The following LRP8 variants were observed in gnomAD, a reference collection of about 807,000 sequenced individuals.
LRP8 encodes the protein LDL receptor related protein 8.
A neutral mutation model predicts 111.6 loss-of-function variants in LRP8; 46 were observed. The observed-to-expected ratio is 0.41, with a 90% confidence interval of 0.33 to 0.53. The LOEUF (loss-of-function observed/expected upper bound fraction) is 0.53, where lower values mean the gene tolerates loss of function less well. LRP8 is among the 20% of genes least tolerant of loss of function. The pLI is 0.20. For missense variants in LRP8, 959 were observed against 1,297.4 expected (o/e 0.74, Z 4.01); for synonymous variants, 464 against 511.2 (o/e 0.91, Z 1.24).
At chr1:53,324,532 A>G (rs1654899632) in intron 2 of LRP8, among the ~76,000 whole-genome samples, 2 of 152,196 alleles carry the variant, frequency 1.3e-5, no homozygotes, top group Admixed American at 1.3e-4. Flanking sequence ...CAGAAAAGCC[A>G]AGCCATGTGT....
intron 3 of LRP8, among the ~76,000 whole-genome samples, chr1:53,281,194 C>A (rs529491670): frequency 6.6e-6 from 1 of 152,196 alleles, no homozygotes; most frequent in Admixed American, 6.5e-5. Flanking sequence ...AAGGCCCCAA[C>A]GGCTCCAATC....
intron 18 of LRP8, among the ~76,000 whole-genome samples, 191 bp from the exon 19 acceptor site, chr1:53,247,247 T>C (rs1645754922): frequency 6.6e-6 from 1 of 152,248 alleles, no homozygotes; most frequent in Non-Finnish European, 1.5e-5. Context: ...TAAGTAGGGT[T>C]TGTTCTGGAT....
rs375601541 is a variant in LRP8, at chr1:53,271,048, G to C, written c.1232C>G (p.Thr411Ser). ...CATACCAGCAGCCTTGCAGTTCTTG[G>C]TCAGTAGGTCCATCTCGTAGCCAGG... ...CYPGYEMDLL[T>S]KNCKAAAGKS... Residue 411 changes from threonine (T) to serine (S), a missense_variant, in exon 8 of 19, where the codon ACC (threonine) becomes AGC (serine). Thr to Ser is a moderately conservative substitution (Grantham distance 58). Transcript: ENST00000306052. The C allele has an allele frequency of 1.2e-6, 2 of 1,613,990 alleles. No homozygotes were observed. The highest frequency in any genetic ancestry group is 4.5e-5 in the East Asian group (2 of 44,874).
intron 2 of LRP8, among the ~76,000 whole-genome samples, chr1:53,316,850 C>A (rs559184924): frequency 6.6e-6 from 1 of 152,298 alleles, no homozygotes; most frequent in African/African-American, 2.4e-5. Flanking sequence ...GGAGAGGCTG[C>A]TGTGGCAGGG....
rs541900764 is a variant in LRP8, at chr1:53,327,012, T to C, written c.125-20A>G. On this transcript the variant is annotated intron_variant, in intron 1 of 18. Transcript: ENST00000306052. Reference sequence around the variant, plus strand: ...CCGGCCCTGCGAGGGGGAGGGAGCGTGAGCTGGATCAGCGGACTCGGCCCC... The same window carrying C: ...CCGGCCCTGCGAGGGGGAGGGAGCGCGAGCTGGATCAGCGGACTCGGCCCC... The C allele has an allele frequency of 6.2e-7, 1 of 1,610,378 alleles. No individual in the cohort carries two copies. The highest frequency in any genetic ancestry group is 8.5e-7 in the Non-Finnish European group (1 of 1,179,610).
intron 4 of LRP8, among the ~76,000 whole-genome samples, chr1:53,277,573 C>G (rs189271218): frequency 6.6e-6 from 1 of 152,258 alleles, no homozygotes; most frequent in Admixed American, 6.5e-5. Flanking sequence ...CCTGAATGTT[C>G]GCAGCTCCCG....
chr1:53,259,404 G>A (rs1646240472), intron 13 of LRP8, among the ~76,000 whole-genome samples: 1 of 151,914 alleles, frequency 6.6e-6, no homozygotes. Context: ...AAGCCACCAT[G>A]CCTGGCCTCC....
At position 53,250,927 on chromosome 1, in the gene LRP8, C is replaced by G. The variant is rs1410347525; in HGVS notation, c.2504-65G>C. 3.9e-5 allele frequency: 54 copies of G among 1,395,732 alleles called. No individual in the cohort carries two copies. The highest frequency in any genetic ancestry group is 5.2e-5 in the Non-Finnish European group (51 of 989,324). The allele number at this position is 1,395,732 out of a possible 1,614,324, so 86.5% of individuals were successfully genotyped here. ...CCAACCCACTGCTCAGACATCTGTA[C>G]AAGGCTTGTCACCACTCCACTTTTA... is the stretch of plus-strand genomic sequence containing the variant. On this transcript the variant is annotated intron_variant, in intron 16 of 18. Transcript: ENST00000306052. The surrounding 1 kb of genome is among the most constrained non-coding windows in gnomAD (Gnocchi z 4.6).
At chr1:53,304,004 G>C (rs1352124885) in intron 2 of LRP8, among the ~76,000 whole-genome samples, 1 of 152,160 alleles carries the variant, frequency 6.6e-6, no homozygotes, top group African/African-American at 2.4e-5. Flanking sequence ...GGAGCCAAGA[G>C]CTGCCATGAA....
At chr1:53,258,149 G>A (rs1008505395) in intron 14 of LRP8, 170 bp downstream of exon 14, 1 of 539,924 alleles carries the variant, frequency 1.9e-6, no homozygotes, top group East Asian at 3.2e-5. Context: ...GGATCCTGGG[G>A]GCATGAGCAT....
chr1:53,268,709 A>G (rs755823846), intron 8 of LRP8: 1 of 152,164 alleles, frequency 6.6e-6, no homozygotes, highest in Non-Finnish European at 1.5e-5. Context: ...GATTCCTCCA[A>G]ACCTGCTTCC....
intron 3 of LRP8, among the ~76,000 whole-genome samples, chr1:53,285,155 T>A (rs1362594769): frequency 6.6e-6 from 1 of 151,810 alleles, no homozygotes; most frequent in African/African-American, 2.4e-5. Context: ...CCAGAAAGAG[T>A]AAGTTGTTTG....
chr1:53,255,201 A>G lies in LRP8; in HGVS notation c.2435-16T>C. ...TCATTTGCATCTGCAAAACACAAAC[A>G]TTTGCAGAATGATGCTCTATCACTG... On this transcript the variant is annotated splice_polypyrimidine_tract_variant and intron_variant, in intron 15 of 18. Transcript: ENST00000306052. The G allele has an allele frequency of 2.5e-6, 4 of 1,610,540 alleles. No homozygotes were observed. Among genetic ancestry groups the G allele is most frequent in the African/African-American group, 2.7e-5 (2 of 75,008 alleles).
chr1:53,301,784 C>T (rs1650943965), intron 2 of LRP8, among the ~76,000 whole-genome samples: 1 of 151,642 alleles, frequency 6.6e-6, no homozygotes, highest in Non-Finnish European at 1.5e-5. Context: ...GAGGCAGGAC[C>T]AGAACGCAGG....
intron 9 of LRP8, among the ~76,000 whole-genome samples, chr1:53,265,548 G>A (rs891535329): frequency 6.6e-6 from 1 of 152,142 alleles, no homozygotes; most frequent in African/African-American, 2.4e-5. Flanking sequence ...TCTTCCATCA[G>A]CCCCATATCT....
chr1:53,309,613 C>G (rs1652630721), intron 2 of LRP8, among the ~76,000 whole-genome samples: 1 of 152,120 alleles, frequency 6.6e-6, no homozygotes, highest in Non-Finnish European at 1.5e-5. Flanking sequence ...TGCTGTGGAC[C>G]AGTGTACCCT....
At chr1:53,285,820 C>T (rs1022746453) in intron 3 of LRP8, among the ~76,000 whole-genome samples, 9 of 152,144 alleles carry the variant, frequency 5.9e-5, no homozygotes, top group Non-Finnish European at 1.0e-4. Flanking sequence ...GCCTGCTCTC[C>T]AAGTACCCTA....
rs1490992341 is a variant in LRP8, at chr1:53,275,211, A to G, written c.1006+420T>C. On this transcript the variant is annotated intron_variant, in intron 6 of 18. Coordinates refer to ENST00000306052, the MANE Select transcript of LRP8 (RefSeq NM_004631.5). The surrounding 1 kb of genome is among the most constrained non-coding windows in gnomAD (Gnocchi z 4.4). ...TGCCCAGCCTGTTATCCATTCCCCAAGATGACTAGTGAATGAGGGTCCCTG... is the reference window on the plus strand; with the variant it reads ...TGCCCAGCCTGTTATCCATTCCCCAGGATGACTAGTGAATGAGGGTCCCTG... 1.3e-5 allele frequency among the ~76,000 whole-genome samples: 2 copies of G among 152,230 alleles called. No individual in the cohort carries two copies. Among genetic ancestry groups the G allele is most frequent in the African/African-American group, 4.8e-5 (2 of 41,456 alleles).
chr1:53,258,766 C>T (rs980016611), intron 13 of LRP8, among the ~76,000 whole-genome samples: 1 of 151,654 alleles, frequency 6.6e-6, no homozygotes, highest in African/African-American at 2.4e-5. Flanking sequence ...AATCTCTAGC[C>T]CCGCTATTAC....
Sources: allele counts gnomAD v4.1 joint callset (sites outside exome capture counted in the v4.1 genomes callset), GRCh38; gene constraint gnomAD v4.1.1; non-coding constraint Gnocchi (gnomAD v3.1); transcripts MANE v1.5; gene names NCBI Gene and HGNC (gene_info 2026-07-23, HGNC 2026-07-21).